Variants in NTRK3 observed in about 807,000 individuals in gnomAD.
NTRK3 encodes the protein NT-3 growth factor receptor.
In NTRK3, 24 loss-of-function variants were observed where a neutral mutation model predicts 91.7. The ratio of observed to expected loss-of-function variants is 0.26; its 90% CI spans 0.19 to 0.37. The LOEUF is 0.37. Ranked by LOEUF, NTRK3 falls within the 10% of genes least tolerant of loss-of-function variation. The probability of loss-of-function intolerance (pLI) is 1.00; values close to 1 mark genes in which losing one functional copy is unlikely to be tolerated. For missense variants in NTRK3, 880 were observed against 1,068.9 expected (o/e 0.82, Z 2.46); for synonymous variants, 483 against 404.0 (o/e 1.20, Z -2.34).
intron 14 of NTRK3, among the ~76,000 whole-genome samples, chr15:87,956,964 G>A (rs1049439826): frequency 6.6e-6 from 1 of 152,146 alleles, no homozygotes; most frequent in Non-Finnish European, 1.5e-5. Flanking sequence ...TCAGGGCCGT[G>A]ACTAAGACAT....
intron 18 of NTRK3, among the ~76,000 whole-genome samples, chr15:87,877,478 G>C (rs1235167163): frequency 6.6e-6 from 1 of 152,048 alleles, no homozygotes; most frequent in African/African-American, 2.4e-5. Flanking sequence ...ACTTGATAGT[G>C]GACATGGGCT....
intron 17 of NTRK3, among the ~76,000 whole-genome samples, chr15:87,886,289 C>T (rs2065532036): frequency 6.6e-6 from 1 of 151,846 alleles, no homozygotes; most frequent in African/African-American, 2.4e-5. Context: ...TGACTTTGAA[C>T]CCAGCAATTT....
chr15:87,896,473 G>GA (rs377592642), intron 17 of NTRK3, among the ~76,000 whole-genome samples: 11,632 of 92,512 alleles, frequency 0.13, 929 homozygotes, highest in African/African-American at 0.28. Context: ...CTGTCTCAAA[G>GA]AAAAAAAAAA....
intron 13 of NTRK3, among the ~76,000 whole-genome samples, chr15:88,086,140 C>G (rs1425982484): frequency 1.3e-5 from 2 of 152,224 alleles, no homozygotes; most frequent in Non-Finnish European, 2.9e-5. Context: ...AGAGAGGACT[C>G]TGCCAAGAAA....
At chr15:88,228,573 C>G (rs965321749) in intron 3 of NTRK3, among the ~76,000 whole-genome samples, 19 of 152,200 alleles carry the variant, frequency 1.2e-4, no homozygotes, top group Admixed American at 1.1e-3. Context: ...CCCACCACAG[C>G]CTTCCTGATT....
chr15:88,194,328 G>A (rs542245534), intron 3 of NTRK3, among the ~76,000 whole-genome samples: 143 of 152,308 alleles, frequency 9.4e-4, no homozygotes, highest in African/African-American at 3.3e-3. Flanking sequence ...TGCTCTGAGC[G>A]CCGTCCTTGT....
intron 17 of NTRK3, among the ~76,000 whole-genome samples, chr15:87,893,132 T>C (rs1386006708): frequency 6.6e-6 from 1 of 152,194 alleles, no homozygotes; most frequent in Non-Finnish European, 1.5e-5. Flanking sequence ...GTACAGAGAC[T>C]GAGCATTTAA....
rs762588008 is a variant in NTRK3 at position 88,243,196 on chromosome 15, T to G, written c.248+12710A>C. Among the ~76,000 whole-genome samples, 18 of 152,186 alleles carry G rather than the reference T, an allele frequency of 1.2e-4. No homozygotes were observed. The highest frequency in any genetic ancestry group is 2.6e-4 in the Non-Finnish European group (18 of 68,022). On this transcript the variant is annotated intron_variant, in intron 3 of 18. Coordinates refer to ENST00000394480, the Ensembl canonical transcript of NTRK3. The surrounding 1 kb of genome is among the most constrained non-coding windows in gnomAD (Gnocchi z 4.8). ...AAAATTGCACCCCTCCTCCACGCCC[T>G]TGCCCCCTCCCCACTTCTTATGTTA...
At chr15:87,964,492 T>A (rs970862421) in intron 14 of NTRK3, among the ~76,000 whole-genome samples, 3 of 151,956 alleles carry the variant, frequency 2.0e-5, no homozygotes, top group Non-Finnish European at 4.4e-5. Flanking sequence ...CAAACTTTAT[T>A]GAGACATTAT....
At chr15:87,948,680 TC>T (rs2070805596) in intron 14 of NTRK3, among the ~76,000 whole-genome samples, 1 of 152,122 alleles carries the variant, frequency 6.6e-6, no homozygotes, top group Admixed American at 6.5e-5. Context: ...AGAGCAAGAC[TC>T]TGTCTCAAAA....
At chr15:88,181,096 A>G (rs1398422385) in intron 5 of NTRK3, among the ~76,000 whole-genome samples, 1 of 151,992 alleles carries the variant, frequency 6.6e-6, no homozygotes, top group African/African-American at 2.4e-5. Flanking sequence ...ATGCACAGAC[A>G]GACTCAAATT....
At chr15:87,890,934 G>A (rs1344943775) in intron 17 of NTRK3, among the ~76,000 whole-genome samples, 1 of 151,860 alleles carries the variant, frequency 6.6e-6, no homozygotes, top group Non-Finnish European at 1.5e-5. Context: ...AAATAGCTAG[G>A]AAAAAAATTT....
chr15:88,010,922 T>G (rs1228907356), intron 14 of NTRK3, among the ~76,000 whole-genome samples: 4 of 152,030 alleles, frequency 2.6e-5, no homozygotes, highest in African/African-American at 7.3e-5. Flanking sequence ...TCTAATTCAC[T>G]CCCTACATGA....
chr15:87,951,303 G>T (rs1458566295), intron 14 of NTRK3, among the ~76,000 whole-genome samples: 3 of 152,076 alleles, frequency 2.0e-5, no homozygotes, highest in Non-Finnish European at 4.4e-5. Flanking sequence ...TGCTTATTTT[G>T]TTGCCCCCTA....
At chr15:88,206,104 C>T (rs775634948) in intron 3 of NTRK3, among the ~76,000 whole-genome samples, 4 of 151,842 alleles carry the variant, frequency 2.6e-5, no homozygotes, top group Admixed American at 6.6e-5. Context: ...CTTTGGGAGG[C>T]CGAGGCGGGC....
intron 13 of NTRK3, among the ~76,000 whole-genome samples, chr15:88,086,630 C>A (rs187865066): frequency 9.4e-4 from 143 of 152,246 alleles, no homozygotes; most frequent in African/African-American, 3.3e-3. Flanking sequence ...TTAGAATCCC[C>A]TGGGGATCTT....
chr15:88,256,080 T>C (rs1169532276), exon 3 of NTRK3: 2 of 1,612,160 alleles, frequency 1.2e-6, no homozygotes, highest in South Asian at 2.2e-5. Flanking sequence ...GGAGCCCACA[T>C]AGTCCAGCCA....
chr15:87,889,939 A>G (rs2065762882), intron 17 of NTRK3, among the ~76,000 whole-genome samples: 1 of 134,836 alleles, frequency 7.4e-6, no homozygotes, highest in African/African-American at 2.7e-5. Context: ...TTCTGCCCCA[A>G]CTTTCCATTT....
chr15:88,036,789 G>T (rs1318752087), intron 13 of NTRK3, among the ~76,000 whole-genome samples: 1 of 152,230 alleles, frequency 6.6e-6, no homozygotes, highest in Non-Finnish European at 1.5e-5. Flanking sequence ...ACACGCAACA[G>T]AAGTTCACCT....
Sources: allele counts gnomAD v4.1 joint callset (sites outside exome capture counted in the v4.1 genomes callset), GRCh38; gene constraint gnomAD v4.1.1; non-coding constraint Gnocchi (gnomAD v3.1); transcripts MANE v1.5; gene names NCBI Gene and HGNC (gene_info 2026-07-23, HGNC 2026-07-21).